Variants in TLN2 observed in about 807,000 individuals in gnomAD.
TLN2 encodes talin-2.
In TLN2, 118 loss-of-function variants were observed where a neutral mutation model predicts 294.7. The ratio of observed to expected loss-of-function variants is 0.40; its 90% CI spans 0.34 to 0.47. TLN2 has a LOEUF of 0.47. Among genes scored for constraint, TLN2 ranks in the 20% least tolerant of loss-of-function variants. The pLI is 0.84. For missense variants in TLN2, 3,083 were observed against 3,282.2 expected, an observed-to-expected ratio of 0.94 and a Z score of 1.48; for synonymous variants, 1,431 against 1,304.5, an observed-to-expected ratio of 1.10 and a Z score of -2.09.
intron 1 of TLN2, among the ~76,000 whole-genome samples, chr15:62,567,190 C>A (rs561746596): frequency 3.9e-5 from 6 of 152,342 alleles, no homozygotes; most frequent in African/African-American, 1.4e-4. Context: ...ACTTAACCAG[C>A]TCTTTCTTTC....
intron 28 of TLN2, among the ~76,000 whole-genome samples, chr15:62,735,306 T>C (rs1878787): frequency 0.98 from 149,889 of 152,314 alleles, 73,800 homozygotes; most frequent in South Asian, 1. Context: ...CCAAGGACTG[T>C]GTGCCAGGTA....
chr15:62,652,296 A>G (rs562970959), intron 6 of TLN2, among the ~76,000 whole-genome samples, 162 bp downstream of exon 6: 1 of 152,308 alleles, frequency 6.6e-6, no homozygotes, highest in African/African-American at 2.4e-5. Flanking sequence ...CCAACTTGCC[A>G]ATCCATGAAA....
At chr15:62,579,724 C>T (rs2044752015) in intron 1 of TLN2, among the ~76,000 whole-genome samples, 1 of 152,182 alleles carries the variant, frequency 6.6e-6, no homozygotes, top group African/African-American at 2.4e-5. Context: ...AGAGTTTCCA[C>T]TGGCAAGGAA....
At chr15:62,491,587 C>G (rs1243325412) in intron 1 of TLN2, among the ~76,000 whole-genome samples, 1 of 152,046 alleles carries the variant, frequency 6.6e-6, no homozygotes, top group Admixed American at 6.6e-5. Context: ...GTTGTTTGTC[C>G]TTTGTCCACA....
At chr15:62,730,407 T>G (rs2060658082) in intron 28 of TLN2, among the ~76,000 whole-genome samples, 1 of 152,154 alleles carries the variant, frequency 6.6e-6, no homozygotes, top group South Asian at 2.1e-4. Flanking sequence ...AGATAGTCCT[T>G]ATTCATTTGG....
chr15:62,519,528 C>A (rs2040352692), intron 1 of TLN2, among the ~76,000 whole-genome samples: 1 of 152,220 alleles, frequency 6.6e-6, no homozygotes. Flanking sequence ...AGCTTAGCCT[C>A]TTTGCAGAAT....
intron 1 of TLN2, among the ~76,000 whole-genome samples, chr15:62,491,138 A>T (rs1481327334): frequency 3.9e-5 from 6 of 152,184 alleles, no homozygotes; most frequent in Non-Finnish European, 5.9e-5. Context: ...CCTGGCCAAC[A>T]TGGCGAAACC....
chr15:62,655,499 G>C lies in TLN2; in HGVS notation c.518-445G>C, dbSNP rs756161638. 2.6e-5 allele frequency among the ~76,000 whole-genome samples: 4 copies of C among 152,032 alleles called. No homozygotes were observed. In the East Asian group the frequency reaches 7.7e-4, roughly 29 times the overall value. On this transcript the variant is annotated intron_variant, in intron 7 of 58. Coordinates refer to ENST00000636159, the MANE Select transcript of TLN2 (RefSeq NM_015059.3). ...TCAGAGGTAACTTACTATGCTCATA[G>C]CCTCAAGATCACTTTATTAGGTGAG... is the stretch of plus-strand genomic sequence containing the variant.
intron 54 of TLN2, chr15:62,829,101 TTTTC>T (rs1267115933): frequency 1.3e-5 from 2 of 150,282 alleles, no homozygotes; most frequent in African/African-American, 2.4e-5. Context: ...ATTTATTTAT[TTTTC>T]TTTAAAATTT....
At chr15:62,652,676 C>A (rs35202529) in intron 6 of TLN2, among the ~76,000 whole-genome samples, 10,767 of 152,208 alleles carry the variant, frequency 0.071, 527 homozygotes, top group East Asian at 0.19. Context: ...TTCTGCATGA[C>A]CTCCTCTGTG....
intron 1 of TLN2, among the ~76,000 whole-genome samples, chr15:62,559,561 G>A (rs1470561907): frequency 2.0e-5 from 3 of 152,150 alleles, no homozygotes; most frequent in Non-Finnish European, 4.4e-5. Context: ...CACCTATTCT[G>A]CAACTATCTA....
intron 1 of TLN2, among the ~76,000 whole-genome samples, chr15:62,425,207 C>T (rs903648359): frequency 9.2e-5 from 14 of 152,156 alleles, no homozygotes; most frequent in African/African-American, 3.1e-4. Flanking sequence ...CTTGCCTCTG[C>T]CTCCTGAAGT....
At chr15:62,837,786 T>G (rs1037283792) in intron 57 of TLN2, among the ~76,000 whole-genome samples, 8 of 152,224 alleles carry the variant, frequency 5.3e-5, no homozygotes, top group Admixed American at 3.3e-4. Flanking sequence ...TGTCAAATAT[T>G]AATTGGTTCG....
chr15:62,709,974 A>T (rs1322088537), intron 21 of TLN2, among the ~76,000 whole-genome samples: 1 of 152,162 alleles, frequency 6.6e-6, no homozygotes, highest in Non-Finnish European at 1.5e-5. Context: ...ACCTCAGGTG[A>T]TCTGCCCGCC....
chr15:62,750,294 G>A (rs2061855173), intron 33 of TLN2, 108 bp from the exon 34 acceptor site: 1 of 883,666 alleles, frequency 1.1e-6, no homozygotes, highest in African/African-American at 1.6e-5. Flanking sequence ...AAGTGATCAT[G>A]ACCAGAAACT....
intron 3 of TLN2, among the ~76,000 whole-genome samples, chr15:62,633,493 C>CA (rs1254150376): frequency 6.6e-6 from 1 of 152,126 alleles, no homozygotes; most frequent in Non-Finnish European, 1.5e-5. Context: ...TGTGTAGAGA[C>CA]AGAGTCTTGC....
intron 3 of TLN2, among the ~76,000 whole-genome samples, chr15:62,621,940 G>T (rs982199090): frequency 3.3e-5 from 5 of 152,184 alleles, no homozygotes; most frequent in Admixed American, 3.3e-4. Flanking sequence ...TTGGAATGGA[G>T]AATCACTCTG....
At chr15:62,782,624 G>A (rs1306395642) in intron 44 of TLN2, among the ~76,000 whole-genome samples, 1 of 152,194 alleles carries the variant, frequency 6.6e-6, no homozygotes, top group South Asian at 2.1e-4. Context: ...AGGATGCCCA[G>A]ACTCCCAGTG....
At chr15:62,488,788 T>C (rs181846714) in intron 1 of TLN2, among the ~76,000 whole-genome samples, 276 of 152,312 alleles carry the variant, frequency 1.8e-3, no homozygotes, top group South Asian at 1.0e-3. Context: ...TCTGCTGAGT[T>C]GCTGATTTAC....
Sources: gnomAD v4.1 joint callset for allele counts (sites outside exome capture counted in the v4.1 genomes callset) on GRCh38, gnomAD v4.1.1 for gene constraint, MANE v1.5 for transcripts, NCBI Gene and HGNC (gene_info 2026-07-23, HGNC 2026-07-21) for gene names.